PTPRA: variants seen among roughly 807,000 people sequenced by gnomAD.
PTPRA encodes protein tyrosine phosphatase receptor type A.
PTPRA carries 25 observed loss-of-function variants against 104.8 expected under a neutral mutation model. The observed-to-expected ratio is 0.24, with a 90% CI of 0.17 to 0.33. The LOEUF (loss-of-function observed/expected upper bound fraction) is 0.33. Among genes scored for constraint, PTPRA ranks in the 10% least tolerant of loss-of-function variants. The probability of loss-of-function intolerance (pLI) is 1.00; values close to 1 mark genes in which losing one functional copy is unlikely to be tolerated. For synonymous variants in PTPRA, 323 were observed against 368.9 expected (o/e 0.88, Z 1.43); for missense variants, 765 against 1,015.3 (o/e 0.75, Z 3.35).
At chr20:2,965,474 A>C (rs1025985610) in intron 5 of PTPRA, among the ~76,000 whole-genome samples, 1 of 152,170 alleles carries the variant, frequency 6.6e-6, no homozygotes, top group African/African-American at 2.4e-5. Context: ...AAAAGACAAG[A>C]GAAATAGAGG....
At chr20:2,866,495 T>C in the PTPRA span, 1 of 1,614,178 alleles carries the variant, frequency 6.2e-7, no homozygotes, top group Non-Finnish European at 8.5e-7. Flanking sequence ...AGCCTCGTAT[T>C]GTCCCACTGC....
At chr20:3,006,129 A>T (rs1197673263) in intron 10 of PTPRA, among the ~76,000 whole-genome samples, 2 of 151,616 alleles carry the variant, frequency 1.3e-5, no homozygotes, top group Non-Finnish European at 2.9e-5. Flanking sequence ...AAGTGTTGGG[A>T]TTACAAGCAT....
intron 1 of PTPRA, among the ~76,000 whole-genome samples, chr20:2,898,594 AC>A (rs1182500042): frequency 6.6e-6 from 1 of 151,248 alleles, no homozygotes; most frequent in Non-Finnish European, 1.5e-5. Flanking sequence ...GAGGTGGCTC[AC>A]GCCTATAATC....
At chr20:2,938,054 C>T (rs2060772422) in intron 2 of PTPRA, among the ~76,000 whole-genome samples, 1 of 152,152 alleles carries the variant, frequency 6.6e-6, no homozygotes, top group Non-Finnish European at 1.5e-5. Flanking sequence ...TGTGGTGGCT[C>T]ATGCCCATAA....
intron 8 of PTPRA, 68 bp from the exon 9 acceptor site, chr20:2,988,270 G>A (rs973993885): frequency 7.0e-5 from 109 of 1,559,052 alleles, no homozygotes; most frequent in African/African-American, 9.7e-5. Context: ...GTAGAACCCC[G>A]TTTAGCCTCC....
At chr20:2,975,134 C>A in intron 5 of PTPRA, 81 bp from the exon 6 acceptor site, 1 of 1,239,152 alleles carries the variant, frequency 8.1e-7, no homozygotes, top group Non-Finnish European at 1.1e-6. Context: ...AATCCTGGAG[C>A]TTGTTTTGTT....
At chr20:2,877,446 A>G (rs1337909808) in intron 1 of PTPRA, among the ~76,000 whole-genome samples, 1 of 152,090 alleles carries the variant, frequency 6.6e-6, no homozygotes, top group East Asian at 1.9e-4. Context: ...TTTAGTAAAG[A>G]CGGGGTTTCT....
At chr20:3,015,658 G>A (rs1244076760) in intron 11 of PTPRA, among the ~76,000 whole-genome samples, 191 bp from the exon 12 acceptor site, 2 of 152,098 alleles carry the variant, frequency 1.3e-5, no homozygotes, top group Non-Finnish European at 2.9e-5. Flanking sequence ...AGACTACCTA[G>A]ACTATTTGAG....
At chr20:2,963,266 C>G (rs902732355) in intron 3 of PTPRA, among the ~76,000 whole-genome samples, 1 of 152,170 alleles carries the variant, frequency 6.6e-6, no homozygotes, top group Admixed American at 6.5e-5. Flanking sequence ...CTCCCTAGCT[C>G]TCACCCACAA....
chr20:2,891,332 T>C (rs1236157890), intron 1 of PTPRA, among the ~76,000 whole-genome samples: 3 of 152,158 alleles, frequency 2.0e-5, no homozygotes, highest in South Asian at 2.1e-4. Context: ...GTGAATAAAA[T>C]CCAAACTCCT....
chr20:3,020,050 GGAGGGAGACCGTGGAAAGAGAGGGA>G (rs896971698), intron 13 of PTPRA, among the ~76,000 whole-genome samples: 8 of 152,016 alleles, frequency 5.3e-5, no homozygotes, highest in South Asian at 2.1e-4. Context: ...GCTCGGCATC[GGAGGGAGACCGTGGAAAGAGAGGGA>G]GAGGGAGACC....
At chr20:2,877,952 A>G (rs2089828194) in intron 1 of PTPRA, among the ~76,000 whole-genome samples, 1 of 152,148 alleles carries the variant, frequency 6.6e-6, no homozygotes, top group South Asian at 2.1e-4. Flanking sequence ...AGAGATCAAG[A>G]CCATCCTGGC....
chr20:2,881,722 C>T (rs1008941458), intron 1 of PTPRA, among the ~76,000 whole-genome samples: 9 of 152,076 alleles, frequency 5.9e-5, no homozygotes, highest in Admixed American at 5.9e-4. Flanking sequence ...AAAATGGGGC[C>T]GGGTGCAGTG....
At position 2,941,801 on chromosome 20, in the gene PTPRA, A is replaced by C. The variant is rs150790603; in HGVS notation, c.-49-6181A>C. On this transcript the variant is annotated intron_variant, in intron 2 of 23. Transcript: ENST00000399903. The stretch of plus-strand genomic sequence containing the variant: ...TGGCATGGAGTTCCCTGCCCTCCTT[A>C]ATGCCTCCCTGATTCCTGTTCATCT... 3.2e-4 allele frequency among the ~76,000 whole-genome samples: 48 copies of C among 152,088 alleles called. No individual in the cohort carries two copies. The East Asian group carries it at 8.7e-3, about 28-fold the overall frequency.
chr20:3,003,083 T>C (rs2063710124), intron 9 of PTPRA, among the ~76,000 whole-genome samples: 1 of 152,220 alleles, frequency 6.6e-6, no homozygotes, highest in Admixed American at 6.5e-5. Context: ...TGATACTTCA[T>C]CTCTAGTAGC....
chr20:2,969,284 G>A (rs2062067167), intron 5 of PTPRA, among the ~76,000 whole-genome samples: 1 of 148,140 alleles, frequency 6.8e-6, no homozygotes, highest in South Asian at 2.1e-4. Flanking sequence ...GTCTCACCCT[G>A]TCGCCCAGTC....
chr20:2,998,979 A>T (rs1290335295), intron 9 of PTPRA, among the ~76,000 whole-genome samples: 3 of 150,720 alleles, frequency 2.0e-5, no homozygotes, highest in African/African-American at 7.3e-5. Context: ...TTATAGAATT[A>T]ATATGACATA....
At chr20:3,030,241 A>C (rs1234260117) in intron 20 of PTPRA, among the ~76,000 whole-genome samples, 1 of 152,148 alleles carries the variant, frequency 6.6e-6, no homozygotes, top group Non-Finnish European at 1.5e-5. Flanking sequence ...GGCAGGAAGC[A>C]TTTCATGTGT....
intron 1 of PTPRA, among the ~76,000 whole-genome samples, chr20:2,894,172 G>A (rs1395506209): frequency 6.6e-6 from 1 of 152,100 alleles, no homozygotes; most frequent in African/African-American, 2.4e-5. Context: ...GAAATGTTTG[G>A]TTCAGTGTTT....
Sources: allele counts gnomAD v4.1 joint callset (sites outside exome capture counted in the v4.1 genomes callset), GRCh38; gene constraint gnomAD v4.1.1; transcripts MANE v1.5; gene names NCBI Gene and HGNC (gene_info 2026-07-23, HGNC 2026-07-21).